BSN: variants seen among roughly 807,000 people sequenced by gnomAD.
BSN encodes the protein protein bassoon.
Under a neutral mutation model 264.8 loss-of-function variants are expected in BSN, and 57 were observed. The ratio of observed to expected loss-of-function variants is 0.22; its 90% CI spans 0.17 to 0.27. BSN has a LOEUF of 0.27. Among genes scored for constraint, BSN ranks in the 10% least tolerant of loss-of-function variants. The pLI, the probability that BSN is intolerant of heterozygous loss-of-function variation, is 1.00. For synonymous variants in BSN, 2,059 were observed against 2,137.3 expected (o/e 0.96, Z 1.01); for missense variants, 4,615 against 5,232.5 (o/e 0.88, Z 3.64).
chr3:49,656,918 G>A lies in BSN; in HGVS notation c.7362G>A (p.Gln2454=), dbSNP rs754079411. 1.3e-6 allele frequency: 2 copies of A among 1,599,428 alleles called. No individual in the cohort carries two copies. The highest frequency in any genetic ancestry group is 2.2e-5 in the South Asian group (2 of 89,798). Residue 2454 remains glutamine (Q), a synonymous_variant, in exon 5 of 12, where the codon CAG becomes CAA. Coordinates refer to ENST00000296452, the MANE Select transcript of BSN (RefSeq NM_003458.4). The part of the protein sequence containing the change: ...QLAQQRLQLE[Q]IQQLQQQLQQ... ...CGCAGCAGCGTCTGCAGCTGGAGCA[G>A]ATCCAGCAGCTGCAGCAGCAGCTGC... is the stretch of plus-strand genomic sequence containing the variant.
chr3:49,569,791 G>A (rs1367720846), intron 1 of BSN, among the ~76,000 whole-genome samples: 1 of 152,202 alleles, frequency 6.6e-6, no homozygotes, highest in Non-Finnish European at 1.5e-5. Flanking sequence ...CTCACTATAG[G>A]AAAAGTGTCA....
rs1445466169 is a variant in BSN at position 49,656,743 on chromosome 3, G to A, written c.7187G>A (p.Arg2396Gln). 3.2e-6 allele frequency: 5 copies of A among 1,576,690 alleles called. No individual in the cohort carries two copies. The highest frequency in any genetic ancestry group is 3.4e-6 in the Non-Finnish European group (4 of 1,160,818). The change falls in exon 5 of 12, where the codon CGG (arginine) becomes CAG (glutamine). Residue 2396 changes from arginine (R) to glutamine (Q), a missense_variant. By Grantham distance (43) the Arg-to-Gln change is conservative. This residue lies in a region of BSN where 3,415 missense variants were observed against 3,866.4 expected (regional missense o/e 0.88). Transcript: ENST00000296452. Reference sequence around the variant, plus strand: ...CTTCGGCTGCAAGAGGAGCTAGAGCGGGAACGTGTGGAGCTGCAGAGGCAC... The same window carrying A: ...CTTCGGCTGCAAGAGGAGCTAGAGCAGGAACGTGTGGAGCTGCAGAGGCAC... The part of the protein sequence containing the change: ...RQLRLQEELE[R>Q]ERVELQRHRE...
chr3:49,602,154 G>C (rs893579635), intron 1 of BSN, among the ~76,000 whole-genome samples: 1 of 152,230 alleles, frequency 6.6e-6, no homozygotes, highest in Admixed American at 6.5e-5. Flanking sequence ...TCCTTGGAGT[G>C]CCCTTGAGTT....
In BSN at chr3:49,661,337, C is replaced by A. The variant is rs781242663; in HGVS notation, c.9492C>A (p.Ile3164=). 8 of 1,613,864 alleles carry A rather than the reference C, an allele frequency of 5.0e-6. No individual in the cohort carries two copies. The highest frequency in any genetic ancestry group is 5.9e-6 in the Non-Finnish European group (7 of 1,180,052). ...EQKVPTNYEV[I]ASPVVPMSSA... Reference sequence around the variant, plus strand: ...AGGTGCCCACCAACTATGAGGTGATCGCCAGCCCCGTTGTGCCCATGTCTT... The same window carrying A: ...AGGTGCCCACCAACTATGAGGTGATAGCCAGCCCCGTTGTGCCCATGTCTT... The change falls in exon 6 of 12, where the codon ATC becomes ATA. Residue 3164 remains isoleucine (I), a synonymous_variant. Coordinates refer to ENST00000296452, the MANE Select transcript of BSN (RefSeq NM_003458.4).
intron 1 of BSN, among the ~76,000 whole-genome samples, chr3:49,620,354 G>A (rs1575439821): frequency 6.6e-6 from 1 of 151,988 alleles, no homozygotes; most frequent in Non-Finnish European, 1.5e-5. Flanking sequence ...GAACCCGGGA[G>A]GCGGAGGTTG....
In BSN at chr3:49,638,079, T is replaced by TA. The variant is rs1292893116; in HGVS notation, c.634-4188dup. Among the ~76,000 whole-genome samples the TA allele has an allele frequency of 6.6e-6, 1 of 152,206 alleles. No individual in the cohort carries two copies. Among genetic ancestry groups the TA allele is most frequent in the East Asian group, 1.9e-4 (1 of 5,184 alleles). On this transcript the variant is annotated intron_variant, in intron 2 of 11. Transcript: ENST00000296452. This position sits in a 1 kb window ranked among gnomAD's most constrained non-coding sequence, Gnocchi z 4.3. ...TGCCAGATCAGGATCTTGGAGGTAT[T>TA]AGACAGCAGAACCCTAGCTGAGGCT...
rs750985633 is a variant in BSN at position 49,652,429 on chromosome 3, G to A, written c.2873G>A (p.Arg958Gln). 7 of 1,612,504 alleles carry A rather than the reference G, an allele frequency of 4.3e-6. No homozygotes were observed. Among genetic ancestry groups the A allele is most frequent in the Non-Finnish European group, 5.1e-6 (6 of 1,179,316 alleles). Residue 958 changes from arginine to glutamine, a missense_variant, in exon 5 of 12, where the codon CGG (arginine) becomes CAG (glutamine). Arg to Gln is a conservative substitution (Grantham distance 43, BLOSUM62 1). Coordinates refer to ENST00000296452, the MANE Select transcript of BSN (RefSeq NM_003458.4). ...LGQGPDPSLD[R>Q]EPELEMESLT... is the part of the protein sequence containing the mutation. ...CAAGGCCCAGACCCCAGTCTGGACC[G>A]GGAGCCTGAGCTGGAGATGGAGAGC...
rs1384454469 is a variant in BSN at position 49,554,707 on chromosome 3, G to T, written c.105G>T (p.Lys35Asn). 2.5e-6 allele frequency: 3 copies of T among 1,178,240 alleles called. No homozygotes were observed. In the East Asian group the frequency reaches 1.2e-4, roughly 46 times the overall value. The allele number at this position is 1,178,240 out of a possible 1,614,324, so 73.0% of individuals were successfully genotyped here. Residue 35 changes from lysine to asparagine, a missense_variant, in exon 1 of 12, where the codon AAG becomes AAT. Transcript: ENST00000296452. ...CCGGCCCCGGCCCCGGCGCAGGAAAGCCGCCTTCAGCACCGGCCGGTGGCG... is the reference window on the plus strand; with the variant it reads ...CCGGCCCCGGCCCCGGCGCAGGAAATCCGCCTTCAGCACCGGCCGGTGGCG... Reference protein sequence around the residue: ...PGPGPGPGAGKPPSAPAGGGQ... With the variant: ...PGPGPGPGAGNPPSAPAGGGQ...
chr3:49,635,675 T>G (rs1056464152), intron 2 of BSN, among the ~76,000 whole-genome samples: 4 of 152,122 alleles, frequency 2.6e-5, no homozygotes, highest in African/African-American at 7.2e-5. Flanking sequence ...TTGTTGAATG[T>G]CAAAGTACAT....
At position 49,652,213 on chromosome 3, in the gene BSN, G is replaced by C; in HGVS notation, c.2657G>C (p.Ser886Thr). 2 of 1,613,082 alleles carry C rather than the reference G, an allele frequency of 1.2e-6. No individual in the cohort carries two copies. The highest frequency in any genetic ancestry group is 1.7e-6 in the Non-Finnish European group (2 of 1,179,454). ...GGCCCCAGACCCAGGCCTGAGCCTA[G>C]CCAAGAACCAGCAGCACTGCCCAAG... Reference protein sequence around the residue: ...KGGPRPRPEPSQEPAALPKRR... With the variant: ...KGGPRPRPEPTQEPAALPKRR... The change falls in exon 5 of 12, where the codon AGC becomes ACC. Residue 886 changes from serine to threonine, a missense_variant. By Grantham distance (58) the Ser-to-Thr change is moderately conservative. This residue lies in a region of BSN where 1,197 missense variants were observed against 1,348.0 expected (regional missense o/e 0.89). Coordinates refer to ENST00000296452, the MANE Select transcript of BSN (RefSeq NM_003458.4).
chr3:49,594,698 C>T (rs1240465904), intron 1 of BSN, among the ~76,000 whole-genome samples: 2 of 152,006 alleles, frequency 1.3e-5, no homozygotes, highest in African/African-American at 4.8e-5. Flanking sequence ...ATGAGTTTTT[C>T]TATGTCTGTA....
intron 1 of BSN, among the ~76,000 whole-genome samples, chr3:49,615,303 G>C (rs182493410): frequency 6.6e-6 from 1 of 152,190 alleles, no homozygotes; most frequent in South Asian, 2.1e-4. Context: ...CTGCTCAGGG[G>C]TGTTGAGTGC....
In BSN at chr3:49,655,293, T is replaced by C; in HGVS notation, c.5737T>C (p.Cys1913Arg). 1 of 1,612,748 alleles carries C rather than the reference T, an allele frequency of 6.2e-7. No homozygotes were observed. Residue 1913 changes from cysteine (C) to arginine (R), a missense_variant, in exon 5 of 12, where the codon TGC becomes CGC. Cys to Arg is a radical substitution (Grantham distance 180). Coordinates refer to ENST00000296452, the MANE Select transcript of BSN (RefSeq NM_003458.4). ...CTACAAGCTCCCCTTTGGCAGCAGC[T>C]GCACTGGCACCTTCCACCCGGCCCC... ...MVYKLPFGSS[C>R]TGTFHPAPSV...
rs755313755 is a variant in BSN at position 49,655,479 on chromosome 3, G to C, written c.5923G>C (p.Gly1975Arg). 8.2e-6 allele frequency: 13 copies of C among 1,590,886 alleles called. No homozygotes were observed. The East Asian group carries it at 2.2e-4, about 27-fold the overall frequency. ...PHEEQRPYPQ[G>R]LPGRLYSSMS... ...TGAGGAGCAGAGGCCCTACCCACAA[G>C]GCCTGCCTGGTAGGCTGTACTCCTC... is the stretch of plus-strand genomic sequence containing the variant. The change falls in exon 5 of 12, where the codon GGC (glycine) becomes CGC (arginine). Residue 1975 changes from glycine (G) to arginine (R), a missense_variant. Physicochemically the swap from Gly to Arg is moderately radical, Grantham distance 125. Coordinates refer to ENST00000296452, the MANE Select transcript of BSN (RefSeq NM_003458.4).
intron 3 of BSN, among the ~76,000 whole-genome samples, chr3:49,646,482 T>C (rs998923396): frequency 7.2e-5 from 11 of 152,156 alleles, no homozygotes; most frequent in Non-Finnish European, 1.3e-4. Flanking sequence ...GGCTTGCTCA[T>C]TGGGGTAGGG....
At chr3:49,610,604 A>C (rs972696008) in intron 1 of BSN, among the ~76,000 whole-genome samples, 2 of 151,688 alleles carry the variant, frequency 1.3e-5, no homozygotes, top group Non-Finnish European at 1.5e-5. Context: ...AAAAAAAAAA[A>C]AACAAGTAGG....
In BSN at chr3:49,610,584, C is replaced by CAAAAA. The variant is rs60726552; in HGVS notation, c.225-14373_225-14369dup. Among the ~76,000 whole-genome samples, 462 of 70,406 alleles carry CAAAAA rather than the reference C, an allele frequency of 6.6e-3. 19 individuals carry two copies. The highest frequency in any genetic ancestry group is 0.013 in the African/African-American group (219 of 16,688). 46.2% of individuals were successfully genotyped at this position (70,406 alleles called of 152,430 possible). ...GGGCAACAAGAGCGAAATTTCATCT[C>CAAAAA]AAAAAAAAAAAAAAAAAAAAAACAA... On this transcript the variant is annotated intron_variant, in intron 1 of 11. Coordinates refer to ENST00000296452, the MANE Select transcript of BSN (RefSeq NM_003458.4).
At chr3:49,609,396 C>T (rs143764056) in intron 1 of BSN, among the ~76,000 whole-genome samples, 36 of 152,092 alleles carry the variant, frequency 2.4e-4, no homozygotes, top group East Asian at 5.8e-4. Context: ...AGCCACCACA[C>T]GCTTGGCCTG....
Position 49,661,515 on chromosome 3 carries a change from G to A in BSN, c.9670G>A (p.Glu3224Lys), listed in dbSNP as rs770386212. The A allele has an allele frequency of 1.9e-6, 3 of 1,614,094 alleles. No individual in the cohort carries two copies. The highest frequency in any genetic ancestry group is 1.7e-6 in the Non-Finnish European group (2 of 1,180,032). ...YPSDSHYTSL[E>K]QNVPRNYVMI... is the part of the protein sequence containing the mutation. ...CTCTGACTCACACTATACCAGTCTG[G>A]AGCAGAACGTTCCTCGAAACTACGT... The change falls in exon 6 of 12, where the codon GAG (glutamate) becomes AAG (lysine). Residue 3224 changes from glutamate (E) to lysine (K), a missense_variant. Physicochemically the swap from Glu to Lys is moderately conservative, Grantham distance 56. Coordinates refer to ENST00000296452, the MANE Select transcript of BSN (RefSeq NM_003458.4).
Sources: gnomAD v4.1 joint callset for allele counts (sites outside exome capture counted in the v4.1 genomes callset) on GRCh38, gnomAD v4.1.1 for gene constraint, gnomAD v4.1.1 regional missense constraint, Gnocchi (gnomAD v3.1) non-coding constraint, MANE v1.5 for transcripts, NCBI Gene and HGNC (gene_info 2026-07-23, HGNC 2026-07-21) for gene names.